EIF3H: variants seen among roughly 807,000 people sequenced by gnomAD.
EIF3H encodes eukaryotic translation initiation factor 3 subunit H.
EIF3H carries 26 observed loss-of-function variants against 44.2 expected under a neutral mutation model. That is an observed-to-expected ratio of 0.59 (90% CI 0.43 to 0.82). The LOEUF is 0.82. EIF3H is among the 40% of genes least tolerant of loss of function. EIF3H has a pLI of 0.00. For missense variants in EIF3H, 359 were observed against 432.8 expected (o/e 0.83, Z 1.51); for synonymous variants, 166 against 151.9 (o/e 1.09, Z -0.68).
chr8:116,660,783 A>G (rs1813573359), intron 2 of EIF3H, among the ~76,000 whole-genome samples: 1 of 152,180 alleles, frequency 6.6e-6, no homozygotes, highest in Non-Finnish European at 1.5e-5. Flanking sequence ...ACCAGACACC[A>G]GACACCAGAT....
At chr8:116,658,703 G>A in intron 3 of EIF3H, 110 bp downstream of exon 3, 1 of 1,034,004 alleles carries the variant, frequency 9.7e-7, no homozygotes, top group Non-Finnish European at 1.4e-6. Context: ...AACAGGGTTG[G>A]TATTTACTTG....
intron 2 of EIF3H, among the ~76,000 whole-genome samples, chr8:116,706,696 G>A (rs1814475942): frequency 6.6e-6 from 1 of 151,858 alleles, no homozygotes; most frequent in Non-Finnish European, 1.5e-5. Context: ...CACCACACCT[G>A]GCTAATTTTT....
At chr8:116,690,188 T>C (rs189349668) in intron 2 of EIF3H, among the ~76,000 whole-genome samples, 2 of 152,170 alleles carry the variant, frequency 1.3e-5, no homozygotes, top group Non-Finnish European at 2.9e-5. Flanking sequence ...AGAGCTAGCA[T>C]AGATCTCAGA....
intron 2 of EIF3H, among the ~76,000 whole-genome samples, chr8:116,724,675 G>A (rs896464627): frequency 1.5e-4 from 23 of 151,940 alleles, no homozygotes; most frequent in African/African-American, 5.6e-4. Flanking sequence ...TCACCAACAA[G>A]CATATGAAAA....
intron 2 of EIF3H, among the ~76,000 whole-genome samples, chr8:116,677,799 G>C (rs549497461): frequency 1.2e-4 from 19 of 152,234 alleles, no homozygotes; most frequent in African/African-American, 4.6e-4. Flanking sequence ...TTTATGTCCT[G>C]TGATTCTTTG....
At chr8:116,760,201 C>T (rs1815504859), upstream of EIF3H, among the ~76,000 whole-genome samples, 1 of 152,208 alleles carries the variant, frequency 6.6e-6, no homozygotes, top group South Asian at 2.1e-4. Flanking sequence ...AGACTGGCTA[C>T]CACTATAATC....
intron 2 of EIF3H, among the ~76,000 whole-genome samples, chr8:116,684,241 G>A (rs954768865): frequency 6.6e-6 from 1 of 152,156 alleles, no homozygotes; most frequent in Non-Finnish European, 1.5e-5. Flanking sequence ...AGATGAAACT[G>A]GGCAGAAAGG....
chr8:116,733,716 T>C (rs568982689), intron 1 of EIF3H, among the ~76,000 whole-genome samples: 1 of 151,950 alleles, frequency 6.6e-6, no homozygotes, highest in Admixed American at 6.6e-5. Context: ...AACCAAGAAA[T>C]GTCTGAAATA....
At chr8:116,673,962 C>T (rs921168531) in intron 2 of EIF3H, among the ~76,000 whole-genome samples, 4 of 150,098 alleles carry the variant, frequency 2.7e-5, no homozygotes, top group East Asian at 2.0e-4. Flanking sequence ...CCCAGCTACC[C>T]GGGAGGCTGA....
At position 116,648,833 on chromosome 8, in the gene EIF3H, A is replaced by G. The variant is rs763613227; in HGVS notation, c.801T>C (p.Thr267=). The part of the protein sequence containing the change: ...IVKYNTYMRN[T]SKQQQQKHQY... ...GATGTTTCTGCTGCTGTTGTTTACTAGTATTCCTCATGTATGTGTTGTATT... is the reference window on the plus strand; with the variant it reads ...GATGTTTCTGCTGCTGTTGTTTACTGGTATTCCTCATGTATGTGTTGTATT... The change falls in exon 6 of 8, where the codon ACT becomes ACC. Residue 267 remains threonine (T), a synonymous_variant. Coordinates refer to ENST00000521861, the MANE Select transcript of EIF3H (RefSeq NM_003756.3). The G allele has an allele frequency of 6.2e-7, 1 of 1,608,632 alleles. No homozygotes were observed. Among genetic ancestry groups the G allele is most frequent in the South Asian group, 1.1e-5 (1 of 90,202 alleles).
chr8:116,733,539 G>A (rs999452507), intron 1 of EIF3H, among the ~76,000 whole-genome samples: 3 of 151,936 alleles, frequency 2.0e-5, no homozygotes, highest in African/African-American at 4.8e-5. Flanking sequence ...AAAGGTTTGG[G>A]GAACAGTGTG....
chr8:116,756,915 G>T (rs1210438328), upstream of EIF3H, among the ~76,000 whole-genome samples: 3 of 152,130 alleles, frequency 2.0e-5, no homozygotes, highest in East Asian at 5.8e-4. Context: ...ACAAAAAGAA[G>T]AAAGAAAATC....
upstream of EIF3H, among the ~76,000 whole-genome samples, chr8:116,757,715 T>C (rs934424074): frequency 6.6e-6 from 1 of 151,274 alleles, no homozygotes; most frequent in Non-Finnish European, 1.5e-5. Context: ...ATATTAATAG[T>C]TATGTTAATT....
At chr8:116,707,200 CCT>C in intron 2 of EIF3H, among the ~76,000 whole-genome samples, 1 of 152,276 alleles carries the variant, frequency 6.6e-6, no homozygotes, top group South Asian at 2.1e-4. Context: ...AAAGATTAAT[CCT>C]CTCTCCAGAA....
intron 1 of EIF3H, among the ~76,000 whole-genome samples, chr8:116,732,444 C>G (rs1184306562): frequency 6.6e-6 from 1 of 152,184 alleles, no homozygotes; most frequent in African/African-American, 2.4e-5. Context: ...AACAGAATCT[C>G]TAAGACCTCC....
intron 2 of EIF3H, among the ~76,000 whole-genome samples, chr8:116,691,717 A>C (rs185909607): frequency 2.0e-3 from 297 of 152,302 alleles, no homozygotes; most frequent in African/African-American, 6.7e-3. Context: ...TCTACTAAAA[A>C]TACAAAAATT....
At chr8:116,675,989 C>A (rs1813840348) in intron 2 of EIF3H, among the ~76,000 whole-genome samples, 1 of 152,134 alleles carries the variant, frequency 6.6e-6, no homozygotes, top group Non-Finnish European at 1.5e-5. Context: ...ATATGAGGAT[C>A]TTTTAGAAAG....
At position 116,731,464 on chromosome 8, in the gene EIF3H, G is replaced by T. The variant is rs867749771; in HGVS notation, c.133-5292C>A. Among the ~76,000 whole-genome samples the T allele has an allele frequency of 2.6e-4, 39 of 152,134 alleles. No individual in the cohort carries two copies. In the Middle Eastern group the frequency reaches 0.024, roughly 93 times the overall value. The stretch of plus-strand genomic sequence containing the variant: ...AGCTTTCCTTTGTTTTTGTTTTGTT[G>T]TAACTCCTCAGGTGACTACAATACA... On this transcript the variant is annotated intron_variant, in intron 1 of 7. Transcript: ENST00000521861.
chr8:116,699,609 T>C (rs1281952427), intron 2 of EIF3H, among the ~76,000 whole-genome samples: 1 of 152,180 alleles, frequency 6.6e-6, no homozygotes, highest in African/African-American at 2.4e-5. Flanking sequence ...GCCAGCTACA[T>C]GGGTAGCAGG....
Sources: allele counts gnomAD v4.1 joint callset (sites outside exome capture counted in the v4.1 genomes callset), GRCh38; gene constraint gnomAD v4.1.1; transcripts MANE v1.5; gene names NCBI Gene and HGNC (gene_info 2026-07-23, HGNC 2026-07-21).